The following DPP6 variants were observed in gnomAD, a reference collection of about 807,000 sequenced individuals.
The protein encoded by DPP6 is A-type potassium channel modulatory protein DPP6.
Under a neutral mutation model 122.6 loss-of-function variants are expected in DPP6, and 69 were observed. That is an observed-to-expected ratio of 0.56 (90% CI 0.46 to 0.69). The LOEUF is 0.69. Ranked by LOEUF, DPP6 falls within the 30% of genes least tolerant of loss-of-function variation. The pLI is 0.00. For synonymous variants in DPP6, 418 were observed against 433.1 expected (o/e 0.97, Z 0.43); for missense variants, 928 against 1,116.9 (o/e 0.83, Z 2.41).
At chr7:154,001,551 G>A (rs1340142138) in intron 1 of DPP6, among the ~76,000 whole-genome samples, 2 of 151,838 alleles carry the variant, frequency 1.3e-5, no homozygotes, top group Non-Finnish European at 2.9e-5. Context: ...TGTTGGAACT[G>A]ACAGCTCCAC....
the DPP6 span, among the ~76,000 whole-genome samples, chr7:153,800,881 C>T: frequency 6.6e-6 from 1 of 152,182 alleles, no homozygotes; most frequent in African/African-American, 2.4e-5. Flanking sequence ...GTATCCCCAA[C>T]ACAAAGAAAT....
chr7:153,847,307 A>G, the DPP6 span, among the ~76,000 whole-genome samples: 1 of 152,172 alleles, frequency 6.6e-6, no homozygotes, highest in Non-Finnish European at 1.5e-5. Flanking sequence ...TCACTCACTT[A>G]TGGCTATTTT....
intron 2 of DPP6, among the ~76,000 whole-genome samples, chr7:154,456,180 T>G (rs180944054): frequency 1.1e-3 from 171 of 152,294 alleles, no homozygotes; most frequent in Non-Finnish European, 1.9e-3. Flanking sequence ...GAAGATGAAA[T>G]TCCAGATTGA....
intron 4 of DPP6, among the ~76,000 whole-genome samples, chr7:154,547,803 C>G (rs1829316704): frequency 6.6e-6 from 1 of 152,028 alleles, no homozygotes; most frequent in South Asian, 2.1e-4. Flanking sequence ...CTACTTTTCT[C>G]TCTCCTGCCT....
At chr7:153,815,727 G>A in the DPP6 span, among the ~76,000 whole-genome samples, 6 of 152,080 alleles carry the variant, frequency 3.9e-5, no homozygotes, top group Non-Finnish European at 8.8e-5. Context: ...ACAGAGATCT[G>A]GTCATCAACA....
At chr7:154,834,175 C>T (rs1157254239) in intron 16 of DPP6, among the ~76,000 whole-genome samples, 1 of 152,056 alleles carries the variant, frequency 6.6e-6, no homozygotes, top group Non-Finnish European at 1.5e-5. Context: ...ACACTATTAA[C>T]AACAGCTCCC....
At chr7:154,182,823 G>A (rs1052650679) in intron 1 of DPP6, among the ~76,000 whole-genome samples, 9 of 152,084 alleles carry the variant, frequency 5.9e-5, no homozygotes, top group African/African-American at 1.7e-4. Flanking sequence ...GAAGACCAGC[G>A]CATTCCCGAG....
At chr7:154,053,131 G>T (rs1482900179) in intron 1 of DPP6, 68 bp downstream of exon 1, 3 of 979,654 alleles carry the variant, frequency 3.1e-6, no homozygotes, top group Non-Finnish European at 3.7e-6. Context: ...GAGACGCGTC[G>T]GCAGGGGAAA....
intron 1 of DPP6, among the ~76,000 whole-genome samples, chr7:154,391,472 C>G (rs948455963): frequency 6.6e-6 from 1 of 152,230 alleles, no homozygotes; most frequent in African/African-American, 2.4e-5. Flanking sequence ...GAATGTGCGT[C>G]TTTCCAGACC....
the DPP6 span, among the ~76,000 whole-genome samples, chr7:153,782,038 C>G: frequency 5.5e-5 from 8 of 144,220 alleles, no homozygotes; most frequent in Admixed American, 2.8e-4. Flanking sequence ...ACTATTCAAT[C>G]TACAAGGAAC....
chr7:154,866,458 T>C (rs764751567), intron 17 of DPP6, among the ~76,000 whole-genome samples: 2 of 152,204 alleles, frequency 1.3e-5, no homozygotes, highest in African/African-American at 2.4e-5. Flanking sequence ...CTAACTCACG[T>C]GCATGCCTGT....
intron 1 of DPP6, among the ~76,000 whole-genome samples, chr7:154,152,244 A>G (rs1796461847): frequency 6.6e-6 from 1 of 152,078 alleles, no homozygotes; most frequent in African/African-American, 2.4e-5. Context: ...AGGAGGAGAC[A>G]TAATTTTTTC....
chr7:154,471,474 A>G (rs1034005604), intron 2 of DPP6, among the ~76,000 whole-genome samples: 1 of 152,084 alleles, frequency 6.6e-6, no homozygotes, highest in Non-Finnish European at 1.5e-5. Context: ...CCAGGGGTAC[A>G]TGGAGTCCCT....
chr7:154,424,867 C>G (rs1176091213), intron 1 of DPP6, among the ~76,000 whole-genome samples: 2 of 152,176 alleles, frequency 1.3e-5, no homozygotes, highest in Non-Finnish European at 2.9e-5. Context: ...GTTAGGTAAC[C>G]TCTGCCATCT....
intron 1 of DPP6, among the ~76,000 whole-genome samples, chr7:154,406,753 A>G (rs1203452137): frequency 6.6e-6 from 1 of 152,216 alleles, no homozygotes; most frequent in East Asian, 1.9e-4. Context: ...AAAACCCTGG[A>G]TAGGTCAGTT....
chr7:154,393,273 A>G (rs1016514105), intron 1 of DPP6, among the ~76,000 whole-genome samples: 1 of 152,184 alleles, frequency 6.6e-6, no homozygotes, highest in Non-Finnish European at 1.5e-5. Flanking sequence ...GCAAATTGCA[A>G]TCTGAATGCT....
intron 1 of DPP6, among the ~76,000 whole-genome samples, chr7:154,145,138 G>A (rs1209362173): frequency 6.6e-6 from 1 of 152,160 alleles, no homozygotes; most frequent in East Asian, 1.9e-4. Flanking sequence ...TTAAGGTCCT[G>A]GATCAGTTGC....
chr7:154,780,054 T>A (rs1416226099), intron 10 of DPP6, among the ~76,000 whole-genome samples: 2 of 152,196 alleles, frequency 1.3e-5, no homozygotes, highest in African/African-American at 4.8e-5. Context: ...TGGATTCATC[T>A]TAGGGGGCAC....
At chr7:154,534,675 T>A (rs1045981576) in intron 3 of DPP6, among the ~76,000 whole-genome samples, 3 of 152,144 alleles carry the variant, frequency 2.0e-5, no homozygotes, top group African/African-American at 4.8e-5. Context: ...ATTCAACATC[T>A]GTACATGAAA....
Sources: allele counts gnomAD v4.1 joint callset (sites outside exome capture counted in the v4.1 genomes callset), GRCh38; gene constraint gnomAD v4.1.1; transcripts MANE v1.5; gene names NCBI Gene and HGNC (gene_info 2026-07-23, HGNC 2026-07-21).